The following PRKG1 variants were observed in gnomAD, a reference collection of about 807,000 sequenced individuals.
The protein encoded by PRKG1 is cGMP-dependent protein kinase 1.
PRKG1 carries 35 observed loss-of-function variants against 88.1 expected under a neutral mutation model. The ratio of observed to expected loss-of-function variants is 0.40; its 90% CI spans 0.30 to 0.53. PRKG1 has a LOEUF of 0.53. PRKG1 is among the 20% of genes least tolerant of loss of function. PRKG1 has a pLI of 0.59. For missense variants in PRKG1, 540 were observed against 839.8 expected, an observed-to-expected ratio of 0.64 and a Z score of 4.41; for synonymous variants, 303 against 292.5, an observed-to-expected ratio of 1.04 and a Z score of -0.37.
chr10:51,931,664 CT>C (rs1439279087), intron 5 of PRKG1, among the ~76,000 whole-genome samples: 2 of 152,114 alleles, frequency 1.3e-5, no homozygotes, highest in Non-Finnish European at 2.9e-5. Flanking sequence ...AAAGGAAAAA[CT>C]CTCAGTTGTA....
chr10:52,204,397 G>A (rs6480760), intron 9 of PRKG1, among the ~76,000 whole-genome samples: 127,967 of 147,786 alleles, frequency 0.87, 54,080 homozygotes, highest in Non-Finnish European at 0.9. Context: ...TTAGCTGGTT[G>A]TTATGCAGAC....
chr10:50,991,445 G>C lies in PRKG1; in HGVS notation c.67G>C (p.Glu23Gln). 6.2e-7 allele frequency: 1 copy of C among 1,600,472 alleles called. No individual in the cohort carries two copies. The highest frequency in any genetic ancestry group is 8.5e-7 in the Non-Finnish European group (1 of 1,173,874). The change falls in exon 1 of 18, where the codon GAG becomes CAG. Residue 23 changes from glutamate to glutamine, a missense_variant. Coordinates refer to the PRKG1 transcript ENST00000401604. This position sits in a 1 kb window ranked among gnomAD's most constrained non-coding sequence, Gnocchi z 4.5. Reference sequence around the variant, plus strand: ...CAAGGAGGAGAGGATCAAAGAGCTGGAGAAGCGGCTGTCAGAGAAGGAGGA... The same window carrying C: ...CAAGGAGGAGAGGATCAAAGAGCTGCAGAAGCGGCTGTCAGAGAAGGAGGA...
intron 1 of PRKG1, among the ~76,000 whole-genome samples, chr10:51,011,429 A>G (rs28755832): frequency 6.6e-6 from 1 of 152,034 alleles, no homozygotes; most frequent in African/African-American, 2.4e-5. Flanking sequence ...CAAACAAAAT[A>G]AAAAAAATGT....
intron 2 of PRKG1, among the ~76,000 whole-genome samples, chr10:51,383,937 T>A (rs985956544): frequency 6.6e-6 from 1 of 152,188 alleles, no homozygotes; most frequent in African/African-American, 2.4e-5. Flanking sequence ...CTTATTGTAA[T>A]CATCATCCTA....
At chr10:51,578,985 T>C (rs868741430) in intron 3 of PRKG1, among the ~76,000 whole-genome samples, 8,812 of 132,026 alleles carry the variant, frequency 0.067, 906 homozygotes, top group African/African-American at 0.24. Context: ...TGTTGGTTTT[T>C]TTTTTTTTTT....
At position 52,171,778 on chromosome 10, in the gene PRKG1, T is replaced by C. The variant is rs138778928; in HGVS notation, c.1076+9815T>C. 2.2e-3 allele frequency among the ~76,000 whole-genome samples: 318 copies of C among 145,138 alleles called. 3 individuals are homozygous for C. The highest frequency in any genetic ancestry group is 8.1e-3 in the African/African-American group (302 of 37,468). On this transcript the variant is annotated intron_variant, in intron 9 of 17. Transcript: ENST00000373980. ...GGCCTTGAATAGAAGTATTTTTCTT[T>C]TATCAAAATTTTTTTTTTTTTTTTT... is the stretch of plus-strand genomic sequence containing the variant.
chr10:52,035,859 C>T (rs1845595199), intron 5 of PRKG1, among the ~76,000 whole-genome samples: 1 of 152,186 alleles, frequency 6.6e-6, no homozygotes, highest in Admixed American at 6.5e-5. Context: ...TGCACGCAGA[C>T]ATGAGGGCTA....
chr10:51,944,188 T>A (rs186211198), intron 5 of PRKG1, among the ~76,000 whole-genome samples: 1,867 of 152,068 alleles, frequency 0.012, 21 homozygotes, highest in Non-Finnish European at 0.019. Context: ...CTTGGGAGGG[T>A]GTAGGTGTTG....
At chr10:52,088,487 AG>A (rs1426569562) in intron 7 of PRKG1, among the ~76,000 whole-genome samples, 1 of 152,142 alleles carries the variant, frequency 6.6e-6, no homozygotes, top group Non-Finnish European at 1.5e-5. Context: ...ACTACGAGAT[AG>A]AATCTTTAAG....
chr10:51,533,280 A>G (rs1451707115), intron 3 of PRKG1, among the ~76,000 whole-genome samples: 1 of 152,194 alleles, frequency 6.6e-6, no homozygotes, highest in Non-Finnish European at 1.5e-5. Context: ...AAGGAATTTA[A>G]CTTTTTCACA....
intron 3 of PRKG1, chr10:51,699,579 G>A (rs760711006): frequency 2.0e-5 from 32 of 1,582,202 alleles, no homozygotes; most frequent in Non-Finnish European, 2.7e-5. Context: ...GCCGATAGCG[G>A]ATTCTTCGAG....
chr10:51,621,881 AT>A (rs748058496), intron 3 of PRKG1, among the ~76,000 whole-genome samples: 2 of 152,138 alleles, frequency 1.3e-5, no homozygotes, highest in Non-Finnish European at 1.5e-5. Context: ...GAAATTCCTT[AT>A]TAACCACAGA....
At chr10:51,555,599 G>C (rs553045148) in intron 3 of PRKG1, among the ~76,000 whole-genome samples, 2 of 152,100 alleles carry the variant, frequency 1.3e-5, no homozygotes, top group African/African-American at 4.8e-5. Flanking sequence ...TAAACTGAAA[G>C]AACAGAAGCC....
At chr10:52,113,667 T>C (rs1419952534) in intron 7 of PRKG1, among the ~76,000 whole-genome samples, 1 of 152,080 alleles carries the variant, frequency 6.6e-6, no homozygotes, top group Admixed American at 6.6e-5. Flanking sequence ...ATTTCTCAAT[T>C]GTGTGATTAA....
At chr10:51,678,931 T>C (rs912494312) in intron 3 of PRKG1, among the ~76,000 whole-genome samples, 1 of 152,208 alleles carries the variant, frequency 6.6e-6, no homozygotes, top group African/African-American at 2.4e-5. Context: ...TGCAGTGCAT[T>C]ATTAATCTGA....
intron 9 of PRKG1, among the ~76,000 whole-genome samples, chr10:52,226,949 T>C (rs1440163297): frequency 6.6e-6 from 1 of 152,074 alleles, no homozygotes; most frequent in African/African-American, 2.4e-5. Flanking sequence ...AATAGGCAAA[T>C]AGAAAATCCT....
rs184654856 is a variant in PRKG1, at chr10:51,566,664, T to C, written c.592+98828T>C. Among the ~76,000 whole-genome samples the C allele has an allele frequency of 2.2e-3, 340 of 151,958 alleles. 2 individuals are homozygous for C. The highest frequency in any genetic ancestry group is 7.6e-3 in the African/African-American group (317 of 41,494). On this transcript the variant is annotated intron_variant, in intron 3 of 17. Coordinates refer to ENST00000373980, the MANE Select transcript of PRKG1 (RefSeq NM_006258.4). ...GAATTAAATTATAAAGAGTCAGCTA[T>C]GGGCGGGAAAACATTTCCAGCAGTG...
intron 3 of PRKG1, among the ~76,000 whole-genome samples, chr10:51,550,386 GT>G (rs548586094): frequency 2.3e-3 from 355 of 151,736 alleles, no homozygotes; most frequent in Non-Finnish European, 3.6e-3. Flanking sequence ...TTTAAAATTA[GT>G]TTTTTTTATG....
intron 3 of PRKG1, among the ~76,000 whole-genome samples, chr10:51,609,313 G>T (rs1459722579): frequency 6.6e-6 from 1 of 152,022 alleles, no homozygotes; most frequent in Non-Finnish European, 1.5e-5. Flanking sequence ...TTAGAACCCT[G>T]CAAACTCCAT....
Sources: allele counts gnomAD v4.1 joint callset (sites outside exome capture counted in the v4.1 genomes callset), GRCh38; gene constraint gnomAD v4.1.1; non-coding constraint Gnocchi (gnomAD v3.1); transcripts MANE v1.5; gene names NCBI Gene and HGNC (gene_info 2026-07-23, HGNC 2026-07-21).